APBA2: variants seen among roughly 807,000 people sequenced by gnomAD.
APBA2 encodes the protein amyloid-beta A4 precursor protein-binding family A member 2.
In APBA2, 30 loss-of-function variants were observed where a neutral mutation model predicts 75.0. The observed-to-expected ratio is 0.40, with a 90% CI of 0.30 to 0.54. APBA2 has a LOEUF of 0.54. Ranked by LOEUF, APBA2 falls within the 20% of genes least tolerant of loss-of-function variation. APBA2 has a pLI of 0.49. For synonymous variants in APBA2, 444 were observed against 409.6 expected (o/e 1.08, Z -1.01); for missense variants, 801 against 1,016.1 (o/e 0.79, Z 2.88).
chr15:29,057,990 C>T (rs2041976231), intron 4 of APBA2, among the ~76,000 whole-genome samples: 1 of 152,200 alleles, frequency 6.6e-6, no homozygotes, highest in Admixed American at 6.5e-5. Flanking sequence ...ACTCTCTACA[C>T]TGTAGGTGTG....
intron 2 of APBA2, among the ~76,000 whole-genome samples, chr15:28,966,129 T>C (rs2036725029): frequency 1.3e-5 from 2 of 152,300 alleles, no homozygotes; most frequent in South Asian, 2.1e-4. Flanking sequence ...ATGGTCTATC[T>C]GAGTGTATGT....
chr15:29,039,559 G>T (rs938938621), intron 3 of APBA2, among the ~76,000 whole-genome samples: 11 of 152,124 alleles, frequency 7.2e-5, no homozygotes, highest in Non-Finnish European at 1.5e-4. Flanking sequence ...AGCTGGGGCA[G>T]GATCCAGGAA....
chr15:29,005,980 A>C (rs554912876), intron 3 of APBA2, among the ~76,000 whole-genome samples: 1 of 152,236 alleles, frequency 6.6e-6, no homozygotes. Flanking sequence ...CAGCATACCC[A>C]GTGGTGAAAA....
chr15:28,972,942 G>A (rs894581137), intron 2 of APBA2, among the ~76,000 whole-genome samples: 3 of 152,174 alleles, frequency 2.0e-5, no homozygotes, highest in Non-Finnish European at 2.9e-5. Context: ...TTAATGCTAT[G>A]TGTAAACCTC....
intron 2 of APBA2, among the ~76,000 whole-genome samples, chr15:28,954,958 T>C (rs2036087876): frequency 6.6e-6 from 1 of 152,158 alleles, no homozygotes; most frequent in Admixed American, 6.5e-5. Flanking sequence ...GGACACCGAC[T>C]GGTAGGGTTG....
Position 29,054,766 on chromosome 15 carries a change from A to C in APBA2, c.882A>C (p.Gly294=). Residue 294 remains glycine (G), a synonymous_variant, in exon 4 of 15, where the codon GGA becomes GGC. Transcript: ENST00000683413. This position sits in a 1 kb window ranked among gnomAD's most constrained non-coding sequence, Gnocchi z 6.1. ...TCCTTCCCGAGGCCAAGCACCCCGG[A>C]GACCCCCAGAGAGGCTTCAAGCCCA... ...LNLLPEAKHP[G]DPQRGFKPKT... 2 of 1,606,066 alleles carry C rather than the reference A, an allele frequency of 1.2e-6. No individual in the cohort carries two copies. Among genetic ancestry groups the C allele is most frequent in the South Asian group, 2.2e-5 (2 of 91,060 alleles).
chr15:28,929,623 G>A (rs909102591), intron 2 of APBA2, among the ~76,000 whole-genome samples: 6 of 152,150 alleles, frequency 3.9e-5, no homozygotes, highest in Non-Finnish European at 4.4e-5. Flanking sequence ...TCACTTCCGC[G>A]TTGCTAGTTG....
chr15:28,915,611 A>G (rs1431069735), intron 1 of APBA2, among the ~76,000 whole-genome samples: 1 of 150,278 alleles, frequency 6.7e-6, no homozygotes, highest in Admixed American at 6.6e-5. Context: ...CCACACAGAC[A>G]TCTTATACAC....
chr15:29,013,627 CA>C (rs11322360), intron 3 of APBA2, among the ~76,000 whole-genome samples: 18,312 of 152,158 alleles, frequency 0.12, 1,832 homozygotes, highest in African/African-American at 0.26. Flanking sequence ...CCCTTAGTCA[CA>C]AGGGCTTTAG....
intron 2 of APBA2, among the ~76,000 whole-genome samples, chr15:28,948,193 A>G (rs1040703578): frequency 2.0e-5 from 3 of 152,234 alleles, no homozygotes; most frequent in Admixed American, 6.5e-5. Context: ...AGAAGGAATC[A>G]GAGGCTCACA....
intron 2 of APBA2, among the ~76,000 whole-genome samples, chr15:28,948,901 T>C (rs1595539673): frequency 8.9e-6 from 1 of 112,416 alleles, no homozygotes; most frequent in African/African-American, 3.6e-5. Flanking sequence ...GGGGGGTTGG[T>C]GAGGATAGGC....
intron 2 of APBA2, among the ~76,000 whole-genome samples, chr15:28,948,983 A>G (rs1210446084): frequency 2.6e-5 from 4 of 151,920 alleles, no homozygotes; most frequent in South Asian, 2.1e-4. Flanking sequence ...GCTCGAGGAA[A>G]CACCACGGGG....
intron 2 of APBA2, among the ~76,000 whole-genome samples, chr15:28,944,735 T>C (rs573903609): frequency 1.8e-4 from 28 of 152,336 alleles, no homozygotes; most frequent in African/African-American, 6.7e-4. Flanking sequence ...AGCCTCCACT[T>C]CAGACTTCAG....
chr15:28,918,674 A>T lies in APBA2; in HGVS notation c.-204-2966A>T, dbSNP rs866171813. On this transcript the variant is annotated intron_variant, in intron 1 of 14. Coordinates refer to ENST00000683413, the MANE Select transcript of APBA2 (RefSeq NM_001353788.2). The surrounding 1 kb of genome is among the most constrained non-coding windows in gnomAD (Gnocchi z 4.2). ...GTGGTTGCAGCGGGGCCTATGCAGG[A>T]TCCCGGTTGGAGGGGGCTGCAGAGG... Among the ~76,000 whole-genome samples the T allele has an allele frequency of 6.6e-6, 1 of 151,950 alleles. No individual in the cohort carries two copies. Among genetic ancestry groups the T allele is most frequent in the African/African-American group, 2.4e-5 (1 of 41,382 alleles).
chr15:29,108,126 A>G, intron 12 of APBA2, 144 bp from the exon 13 acceptor site: 1 of 1,198,346 alleles, frequency 8.3e-7, no homozygotes, highest in South Asian at 1.3e-5. Flanking sequence ...CAGAGGGGCT[A>G]CCGAGGCTGA....
chr15:29,053,774 T>C, intron 3 of APBA2, 71 bp from the exon 4 acceptor site: 1 of 939,074 alleles, frequency 1.1e-6, no homozygotes, highest in Non-Finnish European at 1.6e-6. Flanking sequence ...GGTGCTGTGG[T>C]GAAGTGGCCC....
At chr15:29,076,550 G>A (rs2042861223) in intron 6 of APBA2, among the ~76,000 whole-genome samples, 1 of 151,468 alleles carries the variant, frequency 6.6e-6, no homozygotes, top group Non-Finnish European at 1.5e-5. Flanking sequence ...GAAACTGGTC[G>A]ATATGTTCTG....
intron 8 of APBA2, among the ~76,000 whole-genome samples, chr15:29,097,139 T>C (rs190797218): frequency 6.6e-6 from 1 of 152,384 alleles, no homozygotes; most frequent in Admixed American, 6.5e-5. Context: ...GGGATGGACA[T>C]GGTGGTGACT....
At chr15:29,094,218 C>T in intron 7 of APBA2, 60 bp from the exon 8 acceptor site, 1 of 1,583,988 alleles carries the variant, frequency 6.3e-7, no homozygotes, top group Non-Finnish European at 8.7e-7. Flanking sequence ...GTGACATAAC[C>T]TCACGCACCT....
Sources: allele counts gnomAD v4.1 joint callset (sites outside exome capture counted in the v4.1 genomes callset), GRCh38; gene constraint gnomAD v4.1.1; non-coding constraint Gnocchi (gnomAD v3.1); transcripts MANE v1.5; gene names NCBI Gene and HGNC (gene_info 2026-07-23, HGNC 2026-07-21).